The following DDX20 variants were observed in gnomAD, a reference collection of about 807,000 sequenced individuals.
DDX20 encodes the protein probable ATP-dependent RNA helicase DDX20.
A neutral mutation model predicts 76.4 loss-of-function variants in DDX20; 61 were observed. The observed-to-expected ratio is 0.80, with a 90% CI of 0.65 to 0.99. DDX20 has a LOEUF of 0.99. Among genes scored for constraint, DDX20 ranks in the 50% least tolerant of loss-of-function variants. The pLI is 0.00. For missense variants in DDX20, 976 were observed against 996.8 expected, an observed-to-expected ratio of 0.98 and a Z score of 0.28; for synonymous variants, 357 against 357.4, an observed-to-expected ratio of 1.00 and a Z score of 0.01.
intron 2 of DDX20, among the ~76,000 whole-genome samples, chr1:111,758,876 A>G (rs1017323000): frequency 6.6e-6 from 1 of 152,236 alleles, no homozygotes. Context: ...GGCAACTAGT[A>G]TGTTGCCTAG....
Position 111,762,817 on chromosome 1 carries a change from T to A in DDX20, c.1210+35T>A, listed in dbSNP as rs1293911515. ...AAAAAAAAAGTTTGAGTGCTTTCTT[T>A]AAGGGGAGGGATCTATAATGTGACA... is the stretch of plus-strand genomic sequence containing the variant. On this transcript the variant is annotated intron_variant, in intron 9 of 10. Coordinates refer to ENST00000369702, the MANE Select transcript of DDX20 (RefSeq NM_007204.5). 7 of 1,591,070 alleles carry A rather than the reference T, an allele frequency of 4.4e-6. No homozygotes were observed. In the African/African-American group the frequency reaches 8.1e-5, roughly 18 times the overall value.
rs1008477588 is a variant in DDX20, at chr1:111,759,442, C to T, written c.439C>T (p.His147Tyr). ...APTREIAVQI[H>Y]SVITAIGIKM... ...TACAAGAGAAATTGCTGTACAGATA[C>T]ATTCTGTTATTACAGCCATTGGAAT... The change falls in exon 3 of 11, where the codon CAT (histidine) becomes TAT (tyrosine). Residue 147 changes from histidine to tyrosine, a missense_variant. Around this residue, in one of 3 missense-constraint regions of DDX20, gnomAD observed 343 missense variants for 286.4 expected, o/e 1.20. Coordinates refer to ENST00000369702, the MANE Select transcript of DDX20 (RefSeq NM_007204.5). The T allele has an allele frequency of 6.2e-7, 1 of 1,612,924 alleles. No homozygotes were observed. The highest frequency in any genetic ancestry group is 1.7e-5 in the Admixed American group (1 of 59,908).
rs552801131 is a variant in DDX20 at position 111,760,425 on chromosome 1, A to G, written c.566-49A>G. 1.1e-5 allele frequency: 14 copies of G among 1,273,860 alleles called. No individual in the cohort carries two copies. In the South Asian group the frequency reaches 1.3e-4, roughly 12 times the overall value. The allele number at this position is 1,273,860 out of a possible 1,614,324, so 78.9% of individuals were successfully genotyped here. The stretch of plus-strand genomic sequence containing the variant: ...AGAGTAACAATATTGGCTGAGATTT[A>G]CACAAATTTGGTACATCATAAATAT... On this transcript the variant is annotated intron_variant, in intron 3 of 10. Coordinates refer to ENST00000369702, the MANE Select transcript of DDX20 (RefSeq NM_007204.5).
Position 111,755,980 on chromosome 1 carries a change from C to G in DDX20, c.56C>G (p.Pro19Arg), listed in dbSNP as rs1325642740. The G allele has an allele frequency of 6.2e-7, 1 of 1,601,028 alleles. No homozygotes were observed. The change falls in exon 1 of 11, where the codon CCG (proline) becomes CGG (arginine). Residue 19 changes from proline to arginine, a missense_variant. Transcript: ENST00000369702. ...GALAAVATAM[P>R]AEHVAVQVPA... is the part of the protein sequence containing the mutation. ...TTAGCAGCAGTGGCGACTGCTATGC[C>G]GGCTGAGCATGTGGCCGTGCAGGTC...
At position 111,761,138 on chromosome 1, in the gene DDX20, A is replaced by G; in HGVS notation, c.962+13A>G. On this transcript the variant is annotated intron_variant, in intron 6 of 10. Transcript: ENST00000369702. The stretch of plus-strand genomic sequence containing the variant: ...ATTTGCACAGCAGGTAATGTAACTT[A>G]AAAGGTCATCTGGGGAACTTGTGAA... 1 of 1,612,482 alleles carries G rather than the reference A, an allele frequency of 6.2e-7. No individual in the cohort carries two copies. The highest frequency in any genetic ancestry group is 1.3e-5 in the African/African-American group (1 of 74,962).
At position 111,767,260 on chromosome 1, in the gene DDX20, G is replaced by A; in HGVS notation, c.*361G>A. ...ACAATAAAAGCAATAGATTTGATTA[G>A]TAATATTATTGCTGTGGAGTTCTTT... On this transcript the variant is annotated 3_prime_UTR_variant, in exon 11 of 11. Transcript: ENST00000369702. 5.8e-6 allele frequency: 1 copy of A among 172,456 alleles called. No homozygotes were observed. The highest frequency in any genetic ancestry group is 1.3e-5 in the Non-Finnish European group (1 of 79,788). 10.7% of individuals were successfully genotyped at this position (172,456 alleles called of 1,614,324 possible). A position where few individuals can be genotyped will look rare whatever the true frequency, so the allele number is the denominator to read the frequency against.
At position 111,766,383 on chromosome 1, in the gene DDX20, G is replaced by T. The variant is rs767431726; in HGVS notation, c.1959G>T (p.Glu653Asp). The T allele has an allele frequency of 7.4e-6, 12 of 1,614,052 alleles. No individual in the cohort carries two copies. The change falls in exon 11 of 11, where the codon GAG becomes GAT. Residue 653 changes from glutamate to aspartate, a missense_variant. Transcript: ENST00000369702. Reference protein sequence around the residue: ...LASSSQSGDSESDSDSYSSRT... With the variant: ...LASSSQSGDSDSDSDSYSSRT... ...GTAGTAGCCAATCTGGAGACTCTGA[G>T]AGTGACAGTGATTCTTACAGCTCAA...
intron 2 of DDX20, among the ~76,000 whole-genome samples, chr1:111,758,740 GTTTGATTTTTTTA>G (rs1663614906): frequency 6.6e-6 from 1 of 151,648 alleles, no homozygotes; most frequent in Non-Finnish European, 1.5e-5. Flanking sequence ...TTTTTTCCTT[GTTTGATTTTTTTA>G]TGATACTTTT....
chr1:111,757,018 T>C (rs1571608527), intron 2 of DDX20, among the ~76,000 whole-genome samples: 1 of 152,272 alleles, frequency 6.6e-6, no homozygotes. Context: ...ACTTGATTCA[T>C]GGTAATGTAG....
Position 111,762,785 on chromosome 1 carries a change from A to G in DDX20, c.1210+3A>G. ...GATTGGGAGAGCTGGCCGTTTTGGT[A>G]AAAAAAAAAAAAAAAGTTTGAGTGC... On this transcript the variant is annotated splice_donor_region_variant and intron_variant, in intron 9 of 10. Coordinates refer to ENST00000369702, the MANE Select transcript of DDX20 (RefSeq NM_007204.5). 7.1e-6 allele frequency: 1 copy of G among 140,980 alleles called. No homozygotes were observed. Among genetic ancestry groups the G allele is most frequent in the Non-Finnish European group, 1.3e-5 (1 of 75,584 alleles). The allele number at this position is 140,980 out of a possible 1,614,324, so 8.7% of individuals were successfully genotyped here.
intron 2 of DDX20, 44 bp downstream of exon 2, chr1:111,756,784 T>A: frequency 6.8e-7 from 1 of 1,465,462 alleles, no homozygotes; most frequent in Non-Finnish European, 9.6e-7. Context: ...TTTTGTGGAC[T>A]TTACCACAGG....
In DDX20 at chr1:111,756,662, T is replaced by C. The variant is rs141190470; in HGVS notation, c.318T>C (p.Ala106=). 8.7e-6 allele frequency: 14 copies of C among 1,614,176 alleles called. No homozygotes were observed. Among genetic ancestry groups the C allele is most frequent in the African/African-American group, 1.3e-5 (1 of 75,056 alleles). Residue 106 remains alanine (A), a synonymous_variant, in exon 2 of 11, where the codon GCT becomes GCC. Coordinates refer to ENST00000369702, the MANE Select transcript of DDX20 (RefSeq NM_007204.5). ...CCTTCGCAGATTTAATTGTTCAAGC[T>C]AAATCTGGCACCGGGAAAACCTGTG... The part of the protein sequence containing the change: ...GRCGLDLIVQ[A]KSGTGKTCVF...
At position 111,766,468 on chromosome 1, in the gene DDX20, C is replaced by T. The variant is rs1417325053; in HGVS notation, c.2044C>T (p.Leu682=). 6.2e-7 allele frequency: 1 copy of T among 1,614,166 alleles called. No homozygotes were observed. The highest frequency in any genetic ancestry group is 1.7e-5 in the Admixed American group (1 of 60,018). The part of the protein sequence containing the change: ...SYLEGSSDNQ[L]KDSESTPVDD... Reference sequence around the variant, plus strand: ...CTTGGAAGGCTCTTCTGATAATCAGCTGAAAGACTCTGAATCTACGCCTGT... The same window carrying T: ...CTTGGAAGGCTCTTCTGATAATCAGTTGAAAGACTCTGAATCTACGCCTGT... Residue 682 remains leucine, a synonymous_variant, in exon 11 of 11, where the codon CTG becomes TTG. Coordinates refer to ENST00000369702, the MANE Select transcript of DDX20 (RefSeq NM_007204.5).
intron 2 of DDX20, among the ~76,000 whole-genome samples, chr1:111,758,007 C>G (rs779785176): frequency 2.7e-5 from 4 of 150,808 alleles, no homozygotes; most frequent in Non-Finnish European, 5.9e-5. Context: ...AGTGTGCACA[C>G]CACACGCCCG....
At chr1:111,756,600 G>A in intron 1 of DDX20, 46 bp from the exon 2 acceptor site, 1 of 1,534,736 alleles carries the variant, frequency 6.5e-7, no homozygotes, top group African/African-American at 1.4e-5. Flanking sequence ...CCCCTAAGTT[G>A]CTTCAGTGAG....
chr1:111,760,533 A>G lies in DDX20; in HGVS notation c.625A>G (p.Ile209Val). Residue 209 changes from isoleucine (I) to valine (V), a missense_variant, in exon 4 of 11, where the codon ATT becomes GTT. By Grantham distance (29) the Ile-to-Val change is conservative (BLOSUM62 3). This residue lies in a region of DDX20 where 343 missense variants were observed against 286.4 expected (regional missense o/e 1.20). Coordinates refer to ENST00000369702, the MANE Select transcript of DDX20 (RefSeq NM_007204.5). ...GAACCCAGGCAGTATACGCCTCTTT[A>G]TTCTTGATGAAGCAGATAAGCTTTT... The part of the protein sequence containing the change: ...YLNPGSIRLF[I>V]LDEADKLLEE... 2 of 1,613,370 alleles carry G rather than the reference A, an allele frequency of 1.2e-6. No homozygotes were observed. Among genetic ancestry groups the G allele is most frequent in the Non-Finnish European group, 1.7e-6 (2 of 1,179,854 alleles).
Position 111,762,307 on chromosome 1 carries a change from T to A in DDX20, c.1074T>A (p.Phe358Leu). The change falls in exon 8 of 11, where the codon TTT becomes TTA. Residue 358 changes from phenylalanine to leucine, a missense_variant. Phe to Leu is a conservative substitution (Grantham distance 22). This residue lies in a region of DDX20 where 630 missense variants were observed against 693.7 expected (regional missense o/e 0.91). Coordinates refer to ENST00000369702, the MANE Select transcript of DDX20 (RefSeq NM_007204.5). ...RLDAMAKLKH[F>L]HCRVLISTDL... ...ATGCTATGGCTAAACTGAAGCACTT[T>A]CATTGCAGAGTCCTCATTTCCACAG... is the stretch of plus-strand genomic sequence containing the variant. 1.2e-6 allele frequency: 2 copies of A among 1,613,514 alleles called. No individual in the cohort carries two copies. The highest frequency in any genetic ancestry group is 1.7e-6 in the Non-Finnish European group (2 of 1,179,798).
intron 1 of DDX20, 57 bp downstream of exon 1, chr1:111,756,282 G>A: frequency 7.3e-7 from 1 of 1,367,764 alleles, no homozygotes; most frequent in Non-Finnish European, 9.4e-7. Flanking sequence ...GGGGACCGAC[G>A]GGCGGCGGCG....
intron 5 of DDX20, 64 bp downstream of exon 5, chr1:111,760,912 G>T (rs561969040): frequency 5.6e-6 from 9 of 1,596,634 alleles, no homozygotes; most frequent in Middle Eastern, 1.7e-4. Flanking sequence ...GCTTTCCCTT[G>T]CCTAGTTTTG....
Sources: allele counts gnomAD v4.1 joint callset (sites outside exome capture counted in the v4.1 genomes callset), GRCh38; gene constraint gnomAD v4.1.1; regional missense constraint gnomAD v4.1.1; transcripts MANE v1.5; gene names NCBI Gene and HGNC (gene_info 2026-07-23, HGNC 2026-07-21).